The following ATP2A3 variants were observed in gnomAD, a reference collection of about 807,000 sequenced individuals.
The protein encoded by ATP2A3 is sarcoplasmic/endoplasmic reticulum calcium ATPase 3.
In ATP2A3, 61 loss-of-function variants were observed where a neutral mutation model predicts 106.8. That is an observed-to-expected ratio of 0.57 (90% CI 0.46 to 0.71). The LOEUF (loss-of-function observed/expected upper bound fraction) is 0.71, where lower values mean the gene tolerates loss of function less well. Ranked by LOEUF, ATP2A3 falls within the 30% of genes least tolerant of loss-of-function variation. The probability of loss-of-function intolerance (pLI) is 0.00; values close to 1 mark genes in which losing one functional copy is unlikely to be tolerated. For missense variants in ATP2A3, 1,201 were observed against 1,423.5 expected (o/e 0.84, Z 2.52); for synonymous variants, 611 against 609.3 (o/e 1.00, Z -0.04).
intron 1 of ATP2A3, among the ~76,000 whole-genome samples, chr17:3,961,037 G>A (rs910445402): frequency 3.3e-5 from 5 of 152,148 alleles, no homozygotes; most frequent in African/African-American, 4.8e-5. Flanking sequence ...TCCTGGCACC[G>A]GCTCCAAGAA....
rs960850653 is a variant in ATP2A3, at chr17:3,926,425, G to A, written c.2981-984C>T. Among the ~76,000 whole-genome samples, 1 of 152,154 alleles carries A rather than the reference G, an allele frequency of 6.6e-6. No homozygotes were observed. The highest frequency in any genetic ancestry group is 1.5e-5 in the Non-Finnish European group (1 of 68,028). On this transcript the variant is annotated intron_variant, in intron 20 of 20. Coordinates refer to ENST00000397041, the MANE Select transcript of ATP2A3 (RefSeq NM_005173.4). This position sits in a 1 kb window ranked among gnomAD's most constrained non-coding sequence, Gnocchi z 4.6. ...CCCAGCCTGTGTCTGTCCTCCAGCA[G>A]CCAGGCACCACCTTTCCAAGCCAAA...
chr17:3,937,847 G>T (rs1229340996), intron 14 of ATP2A3, among the ~76,000 whole-genome samples: 1 of 152,198 alleles, frequency 6.6e-6, no homozygotes, highest in Non-Finnish European at 1.5e-5. Flanking sequence ...ACAAAGTTGG[G>T]GAGAATATCA....
Position 3,936,166 on chromosome 17 carries a change from T to C in ATP2A3, c.2524+101A>G. ...TTACATGAGCTCATACAGTTTCTACTGGCACAAGCCAGGCTGAGTCACACT... is the reference window on the plus strand; with the variant it reads ...TTACATGAGCTCATACAGTTTCTACCGGCACAAGCCAGGCTGAGTCACACT... On this transcript the variant is annotated intron_variant, in intron 16 of 20. Coordinates refer to ENST00000397041, the MANE Select transcript of ATP2A3 (RefSeq NM_005173.4). This position sits in a 1 kb window ranked among gnomAD's most constrained non-coding sequence, Gnocchi z 5.4. 6.9e-7 allele frequency: 1 copy of C among 1,459,282 alleles called. No homozygotes were observed. The highest frequency in any genetic ancestry group is 9.6e-7 in the Non-Finnish European group (1 of 1,041,786). 90.4% of individuals were successfully genotyped at this position (1,459,282 alleles called of 1,614,324 possible). A position where few individuals can be genotyped will look rare whatever the true frequency, so the allele number is the denominator to read the frequency against.
rs754841907 is a variant in ATP2A3, at chr17:3,937,547, C to T, written c.2190G>A (p.Ala730=). The stretch of plus-strand genomic sequence containing the variant: ...TGTCATCTGACAGCACCATCTCTGC[C>T]GCCGACTTGGCCACGGCCGTGCCTG... ...MGSGTAVAKS[A]AEMVLSDDNF... The change falls in exon 15 of 21, where the codon GCG becomes GCA. Residue 730 remains alanine (A), a synonymous_variant. Coordinates refer to ENST00000397041, the MANE Select transcript of ATP2A3 (RefSeq NM_005173.4). 14 of 1,614,132 alleles carry T rather than the reference C, an allele frequency of 8.7e-6. 1 individual carries two copies. Among genetic ancestry groups the T allele is most frequent in the South Asian group, 7.7e-5 (7 of 91,090 alleles).
At chr17:3,952,393 G>A (rs2054501156) in intron 3 of ATP2A3, among the ~76,000 whole-genome samples, 1 of 152,160 alleles carries the variant, frequency 6.6e-6, no homozygotes, top group Non-Finnish European at 1.5e-5. Context: ...TCTGATGCAC[G>A]CATCCAAAGC....
chr17:3,935,344 C>A, intron 16 of ATP2A3, 67 bp from the exon 17 acceptor site: 1 of 1,466,832 alleles, frequency 6.8e-7, no homozygotes, highest in South Asian at 1.1e-5. Context: ...TTTCCCCTGC[C>A]TAATAATTCC....
chr17:3,928,211 A>T lies in ATP2A3; in HGVS notation c.2980+452T>A. 1 of 1,612,800 alleles carries T rather than the reference A, an allele frequency of 6.2e-7. No homozygotes were observed. Among genetic ancestry groups the T allele is most frequent in the Non-Finnish European group, 8.5e-7 (1 of 1,179,312 alleles). On this transcript the variant is annotated intron_variant, in intron 20 of 20. Transcript: ENST00000397041. This position sits in a 1 kb window ranked among gnomAD's most constrained non-coding sequence, Gnocchi z 6.1. ...TCAGAAACAACCCTCCCCTTGACCC[A>T]CCCACAAGGTGATACCAAAGAGGCC... is the stretch of plus-strand genomic sequence containing the variant.
In ATP2A3 at chr17:3,950,746, C is replaced by A; in HGVS notation, c.491G>T (p.Arg164Leu). 6.2e-7 allele frequency: 1 copy of A among 1,613,654 alleles called. No homozygotes were observed. Among genetic ancestry groups the A allele is most frequent in the African/African-American group, 1.3e-5 (1 of 74,990 alleles). Reference sequence around the variant, plus strand: ...CGTGGTGGACTTGATCTCGATGAGGCGGAGGTCAGCAGGCACTTTGTCCCC... The same window carrying A: ...CGTGGTGGACTTGATCTCGATGAGGAGGAGGTCAGCAGGCACTTTGTCCCC... The part of the protein sequence containing the change: ...AVGDKVPADL[R>L]LIEIKSTTLR... The change falls in exon 6 of 21, where the codon CGC becomes CTC. Residue 164 changes from arginine to leucine, a missense_variant. Arg to Leu is a moderately radical substitution (Grantham distance 102). This residue lies in a region of ATP2A3 where 266 missense variants were observed against 246.8 expected (regional missense o/e 1.08). Coordinates refer to ENST00000397041, the MANE Select transcript of ATP2A3 (RefSeq NM_005173.4).
In ATP2A3 at chr17:3,941,702, C is replaced by G. The variant is rs573007703; in HGVS notation, c.1546-48G>C. ...AGAGGTAACTCATCAGTCAGAACCCCTCCTCTCCTTCCTGCCCAAACTCAG... is the reference window on the plus strand; with the variant it reads ...AGAGGTAACTCATCAGTCAGAACCCGTCCTCTCCTTCCTGCCCAAACTCAG... On this transcript the variant is annotated intron_variant, in intron 12 of 20. Coordinates refer to ENST00000397041, the MANE Select transcript of ATP2A3 (RefSeq NM_005173.4). 5 of 1,579,550 alleles carry G rather than the reference C, an allele frequency of 3.2e-6. No individual in the cohort carries two copies. The East Asian group carries it at 9.0e-5, about 28-fold the overall frequency.
At chr17:3,950,835 GA>G in intron 5 of ATP2A3, 62 bp from the exon 6 acceptor site, 2 of 1,532,934 alleles carry the variant, frequency 1.3e-6, no homozygotes, top group Non-Finnish European at 1.8e-6. Context: ...GGAAAAGCCA[GA>G]AGGGTTCCCA....
intron 17 of ATP2A3, among the ~76,000 whole-genome samples, chr17:3,931,590 C>A (rs574877727): frequency 6.7e-6 from 1 of 150,214 alleles, no homozygotes; most frequent in African/African-American, 2.4e-5. Flanking sequence ...GGCATGATCT[C>A]GGCTCACTGC....
rs781518813 is a variant in ATP2A3 at position 3,950,582 on chromosome 17, C to T, written c.559G>A (p.Val187Met). 2.0e-5 allele frequency: 33 copies of T among 1,614,044 alleles called. No homozygotes were observed. The highest frequency in any genetic ancestry group is 2.6e-5 in the Non-Finnish European group (31 of 1,180,022). The change falls in exon 7 of 21, where the codon GTG becomes ATG. Residue 187 changes from valine to methionine, a missense_variant. Physicochemically the swap from Val to Met is conservative, Grantham distance 21 (BLOSUM62 1). Coordinates refer to ENST00000397041, the MANE Select transcript of ATP2A3 (RefSeq NM_005173.4). ...QSILTGESVSVTKHTEAIPDP... is the reference protein window; with the variant it reads ...QSILTGESVSMTKHTEAIPDP... Reference sequence around the variant, plus strand: ...GGGATGGCCTCTGTGTGCTTGGTCACGGACACAGATTCACCTGGTCAGGGA... The same window carrying T: ...GGGATGGCCTCTGTGTGCTTGGTCATGGACACAGATTCACCTGGTCAGGGA...
intron 17 of ATP2A3, among the ~76,000 whole-genome samples, chr17:3,934,477 C>T (rs1249979490): frequency 6.6e-6 from 1 of 151,134 alleles, no homozygotes; most frequent in Non-Finnish European, 1.5e-5. Context: ...TCCCAAAGTA[C>T]TAGGATTACA....
chr17:3,929,188 G>T lies in ATP2A3; in HGVS notation c.2862+140C>A. 1.3e-6 allele frequency: 1 copy of T among 765,486 alleles called. No individual in the cohort carries two copies. Among genetic ancestry groups the T allele is most frequent in the Non-Finnish European group, 2.1e-6 (1 of 476,924 alleles). The allele number at this position is 765,486 out of a possible 1,614,324, so 47.4% of individuals were successfully genotyped here. A position where few individuals can be genotyped will look rare whatever the true frequency, so the allele number is the denominator to read the frequency against. On this transcript the variant is annotated intron_variant, in intron 19 of 20. Coordinates refer to ENST00000397041, the MANE Select transcript of ATP2A3 (RefSeq NM_005173.4). This position sits in a 1 kb window ranked among gnomAD's most constrained non-coding sequence, Gnocchi z 4.3. The stretch of plus-strand genomic sequence containing the variant: ...AGCTCCTGAAGGTGGGGCCACAGCT[G>T]GAGGTGGTGGCTGGCCAGACCTCTC...
chr17:3,933,373 G>A (rs949866869), intron 17 of ATP2A3, among the ~76,000 whole-genome samples: 1 of 151,270 alleles, frequency 6.6e-6, no homozygotes, highest in Non-Finnish European at 1.5e-5. Flanking sequence ...TCACCAGCAA[G>A]CACCTGCCAC....
At chr17:3,954,644 G>A (rs999710677) in intron 1 of ATP2A3, among the ~76,000 whole-genome samples, 5 of 151,830 alleles carry the variant, frequency 3.3e-5, no homozygotes, top group African/African-American at 2.4e-5. Context: ...TTACAGGCAC[G>A]CGGCACCACG....
chr17:3,951,552 C>CCCCCCCG, intron 4 of ATP2A3, 29 bp downstream of exon 4: 181 of 1,365,702 alleles, frequency 1.3e-4, no homozygotes, highest in Non-Finnish European at 1.6e-4. Context: ...GACCGCCCCC[C>CCCCCCCG]GCCCGGTCCC....
chr17:3,956,191 T>C (rs2054770711), intron 1 of ATP2A3, among the ~76,000 whole-genome samples: 1 of 152,134 alleles, frequency 6.6e-6, no homozygotes, highest in African/African-American at 2.4e-5. Flanking sequence ...TCAGTTCACC[T>C]TTCTCTACCT....
At position 3,953,541 on chromosome 17, in the gene ATP2A3, G is replaced by C; in HGVS notation, c.137-112C>G. 6.0e-6 allele frequency: 9 copies of C among 1,499,826 alleles called. No individual in the cohort carries two copies. The highest frequency in any genetic ancestry group is 8.3e-6 in the Non-Finnish European group (9 of 1,088,768). 92.9% of individuals were successfully genotyped at this position (1,499,826 alleles called of 1,614,324 possible). A position where few individuals can be genotyped will look rare whatever the true frequency, so the allele number is the denominator to read the frequency against. ...CCATTCCCTCCCTGCACTCAGAAGA[G>C]GGAGAACCCAGGTCGCTGAGAGGCT... On this transcript the variant is annotated intron_variant, in intron 2 of 20. Coordinates refer to ENST00000397041, the MANE Select transcript of ATP2A3 (RefSeq NM_005173.4). This position sits in a 1 kb window ranked among gnomAD's most constrained non-coding sequence, Gnocchi z 5.1.
Sources: gnomAD v4.1 joint callset for allele counts (sites outside exome capture counted in the v4.1 genomes callset) on GRCh38, gnomAD v4.1.1 for gene constraint, gnomAD v4.1.1 regional missense constraint, Gnocchi (gnomAD v3.1) non-coding constraint, MANE v1.5 for transcripts, NCBI Gene and HGNC (gene_info 2026-07-23, HGNC 2026-07-21) for gene names.